Variants in WDFY4 observed in about 807,000 individuals in gnomAD.
The protein encoded by WDFY4 is WDFY family member 4.
WDFY4 carries 169 observed loss-of-function variants against 351.9 expected under a neutral mutation model. That is an observed-to-expected ratio of 0.48 (90% confidence interval 0.42 to 0.55). The LOEUF is 0.55. Among genes scored for constraint, WDFY4 ranks in the 20% least tolerant of loss-of-function variants. The pLI, the probability that WDFY4 is intolerant of heterozygous loss-of-function variation, is 0.00. For synonymous variants in WDFY4, 1,622 were observed against 1,574.6 expected, an observed-to-expected ratio of 1.03 and a Z score of -0.71; for missense variants, 3,803 against 3,935.6, an observed-to-expected ratio of 0.97 and a Z score of 0.90.
intron 44 of WDFY4, among the ~76,000 whole-genome samples, chr10:48,895,284 G>T (rs1837019352): frequency 6.6e-6 from 1 of 152,240 alleles, no homozygotes; most frequent in African/African-American, 2.4e-5. Flanking sequence ...TCCCCAAGAA[G>T]TGGGGCATGG....
intron 37 of WDFY4, among the ~76,000 whole-genome samples, chr10:48,829,693 T>C (rs2068122940): frequency 6.6e-6 from 1 of 151,964 alleles, no homozygotes; most frequent in Admixed American, 6.6e-5. Context: ...CTACTAAAAA[T>C]ACAAAAAAAT....
chr10:48,802,644 T>C, intron 24 of WDFY4: 1 of 468,058 alleles, frequency 2.1e-6, no homozygotes. Context: ...TACATTTGTT[T>C]ACTATGAATG....
At chr10:48,951,233 C>T (rs536936429) in intron 51 of WDFY4, among the ~76,000 whole-genome samples, 45 of 152,210 alleles carry the variant, frequency 3.0e-4, no homozygotes, top group African/African-American at 1.1e-3. Context: ...TTTTACAATC[C>T]AGAAAATATG....
At chr10:48,839,174 A>G (rs2133110094) in intron 39 of WDFY4, among the ~76,000 whole-genome samples, 1 of 152,330 alleles carries the variant, frequency 6.6e-6, no homozygotes, top group South Asian at 2.1e-4. Context: ...ATTTTTGAAA[A>G]TAGAAAGAAC....
intron 40 of WDFY4, among the ~76,000 whole-genome samples, chr10:48,872,065 T>A (rs1268665451): frequency 6.6e-6 from 1 of 152,160 alleles, no homozygotes; most frequent in Non-Finnish European, 1.5e-5. Flanking sequence ...TGCTGGTGAT[T>A]CACAGAAACA....
At chr10:48,897,858 A>G (rs1325491851) in intron 45 of WDFY4, among the ~76,000 whole-genome samples, 2 of 152,238 alleles carry the variant, frequency 1.3e-5, no homozygotes, top group Admixed American at 1.3e-4. Context: ...CTCTTGACAC[A>G]GCCCAGAGCT....
intron 47 of WDFY4, among the ~76,000 whole-genome samples, chr10:48,907,661 G>A (rs1445492594): frequency 1.3e-5 from 2 of 152,140 alleles, no homozygotes; most frequent in African/African-American, 2.4e-5. Context: ...CAGTTAGCTG[G>A]GGGGAGGCTA....
intron 5 of WDFY4, among the ~76,000 whole-genome samples, 166 bp from the exon 6 acceptor site, chr10:48,725,715 G>A (rs1194983777): frequency 2.0e-5 from 3 of 152,098 alleles, no homozygotes; most frequent in African/African-American, 7.2e-5. Flanking sequence ...TTTCCTAGGG[G>A]GCTCTGTTGA....
chr10:48,715,619 T>C (rs1394075131), intron 2 of WDFY4, among the ~76,000 whole-genome samples: 1 of 151,986 alleles, frequency 6.6e-6, no homozygotes. Flanking sequence ...TGACCAAGAA[T>C]TATTTTTTTA....
At chr10:48,939,047 A>T (rs1190933885) in intron 47 of WDFY4, among the ~76,000 whole-genome samples, 6 of 152,188 alleles carry the variant, frequency 3.9e-5, no homozygotes, top group African/African-American at 1.4e-4. Flanking sequence ...TTGTAGCTCA[A>T]TGCAGGCACC....
At chr10:48,904,784 T>C (rs889343470) in intron 47 of WDFY4, among the ~76,000 whole-genome samples, 11 of 152,224 alleles carry the variant, frequency 7.2e-5, no homozygotes, top group South Asian at 4.1e-4. Context: ...GTGTTTTCAT[T>C]GGCTGGATCG....
chr10:48,967,646 G>C (rs1196299699), intron 55 of WDFY4: 2 of 152,236 alleles, frequency 1.3e-5, no homozygotes, highest in Non-Finnish European at 2.9e-5. Context: ...GGGTGGGGGT[G>C]GTCCCAACCA....
chr10:48,978,634 G>A (rs527800752), intron 60 of WDFY4: 366 of 450,080 alleles, frequency 8.1e-4, no homozygotes, highest in Non-Finnish European at 1.3e-3. Context: ...ACACTGGCAT[G>A]TAACCACCAT....
chr10:48,978,286 T>C, intron 59 of WDFY4, 23 bp from the exon 60 acceptor site: 3 of 1,549,356 alleles, frequency 1.9e-6, no homozygotes, highest in East Asian at 2.4e-5. Flanking sequence ...TCCCCGCCGA[T>C]GACATTTGCT....
intron 11 of WDFY4, among the ~76,000 whole-genome samples, chr10:48,740,354 A>T (rs2064813701): frequency 1.3e-5 from 2 of 152,186 alleles, no homozygotes; most frequent in Non-Finnish European, 2.9e-5. Context: ...TGAGTTTCCA[A>T]CTCAACCATA....
At chr10:48,951,120 T>G (rs1302889601) in intron 51 of WDFY4, among the ~76,000 whole-genome samples, 1 of 152,218 alleles carries the variant, frequency 6.6e-6, no homozygotes, top group Non-Finnish European at 1.5e-5. Context: ...TCCCTTCAGG[T>G]TTAAGTGTTC....
At chr10:48,981,752 GGTATAA>G (rs1307909901) in intron 61 of WDFY4, among the ~76,000 whole-genome samples, 5 of 152,200 alleles carry the variant, frequency 3.3e-5, no homozygotes, top group Non-Finnish European at 5.9e-5. Context: ...AAATCCAAGA[GGTATAA>G]GTATATTGTT....
chr10:48,832,557 G>T lies in WDFY4; in HGVS notation c.6527-16G>T. 1 of 1,530,684 alleles carries T rather than the reference G, an allele frequency of 6.5e-7. No homozygotes were observed. Among genetic ancestry groups the T allele is most frequent in the Non-Finnish European group, 8.8e-7 (1 of 1,133,576 alleles). The allele number at this position is 1,530,684 out of a possible 1,614,324, so 94.8% of individuals were successfully genotyped here. ...TCTCACTTCACCTCTGACATTCTTT[G>T]CTTCCCTTCCCTCAGCATCTGAGAA... On this transcript the variant is annotated splice_polypyrimidine_tract_variant and intron_variant, in intron 38 of 61. Transcript: ENST00000325239.
chr10:48,959,162 C>A (rs1399182944), intron 52 of WDFY4, among the ~76,000 whole-genome samples: 2 of 152,150 alleles, frequency 1.3e-5, no homozygotes, highest in Admixed American at 6.5e-5. Context: ...AGGAGGGAGA[C>A]TTGGGTTGAG....
Sources: allele counts gnomAD v4.1 joint callset (sites outside exome capture counted in the v4.1 genomes callset), GRCh38; gene constraint gnomAD v4.1.1; transcripts MANE v1.5; gene names NCBI Gene and HGNC (gene_info 2026-07-23, HGNC 2026-07-21).